FSCN2: variants seen among roughly 807,000 people sequenced by gnomAD.
FSCN2 encodes fascin actin-bundling protein 2, retinal.
FSCN2 carries 46 observed loss-of-function variants against 37.8 expected under a neutral mutation model. The ratio of observed to expected loss-of-function variants is 1.22; its 90% CI spans 0.96 to 1.56. The LOEUF (loss-of-function observed/expected upper bound fraction) is 1.56, where lower values mean the gene tolerates loss of function less well. FSCN2 is among the 40% of genes most tolerant of loss of function. The pLI, the probability that FSCN2 is intolerant of heterozygous loss-of-function variation, is 0.00. For synonymous variants in FSCN2, 351 were observed against 309.4 expected, an observed-to-expected ratio of 1.13 and a Z score of -1.41; for missense variants, 844 against 730.4, an observed-to-expected ratio of 1.16 and a Z score of -1.79.
upstream of FSCN2, among the ~76,000 whole-genome samples, chr17:81,523,391 T>TCGC (rs1568070767): frequency 6.6e-6 from 1 of 152,132 alleles, no homozygotes; most frequent in Non-Finnish European, 1.5e-5. Flanking sequence ...TGCGGCCCCC[T>TCGC]CGCCCGTGTA....
In FSCN2 at chr17:81,536,980, CCATCCGCGCCCGGA is replaced by C; in HGVS notation, c.1380_1393del (p.Ile461ArgfsTer39). On this transcript the variant is annotated frameshift_variant, in exon 5 of 5. Coordinates refer to ENST00000417245, the MANE Select transcript of FSCN2 (RefSeq NM_012418.4). LOFTEE classifies it low-confidence loss of function (END_TRUNC). Reference sequence around the variant, plus strand: ...GAGTTCCGTGAGCGCGGCCGCCTGGCCATCCGCGCCCGGAGCGGCAAGTACCTGCGCGGCGGCGC... The same window carrying C: ...GAGTTCCGTGAGCGCGGCCGCCTGGCGCGGCAAGTACCTGCGCGGCGGCGC... The C allele has an allele frequency of 6.5e-7, 1 of 1,534,836 alleles. No individual in the cohort carries two copies. Among genetic ancestry groups the C allele is most frequent in the Non-Finnish European group, 8.7e-7 (1 of 1,149,020 alleles).
At chr17:81,515,790 C>A in the FSCN2 span, among the ~76,000 whole-genome samples, 1 of 152,274 alleles carries the variant, frequency 6.6e-6, no homozygotes, top group Non-Finnish European at 1.5e-5. Flanking sequence ...TGGGTCCCCA[C>A]CCCTAGCCTT....
At chr17:81,525,425 C>CAAAA (rs1202765459), upstream of FSCN2, among the ~76,000 whole-genome samples, 3 of 47,856 alleles carry the variant, frequency 6.3e-5, no homozygotes, top group Non-Finnish European at 1.3e-4. Flanking sequence ...GACTCTGTCT[C>CAAAA]AAAAAAAAAA....
At chr17:81,536,395 G>A in intron 3 of FSCN2, 128 bp downstream of exon 3, 1 of 1,441,304 alleles carries the variant, frequency 6.9e-7, no homozygotes, top group Non-Finnish European at 9.3e-7. Flanking sequence ...CTGTCATGGA[G>A]TCATACTTGC....
the FSCN2 span, among the ~76,000 whole-genome samples, chr17:81,521,648 A>T: frequency 6.6e-6 from 1 of 152,230 alleles, no homozygotes; most frequent in African/African-American, 2.4e-5. Flanking sequence ...CTGGGATTAC[A>T]AATGTGAGCC....
chr17:81,532,500 G>A lies in FSCN2; in HGVS notation c.827-2552G>A, dbSNP rs796843056. Among the ~76,000 whole-genome samples the A allele has an allele frequency of 3.2e-4, 42 of 131,938 alleles. 1 individual carries two copies. The highest frequency in any genetic ancestry group is 1.7e-3 in the South Asian group (7 of 4,008). 86.6% of individuals were successfully genotyped at this position (131,938 alleles called of 152,430 possible). On this transcript the variant is annotated intron_variant, in intron 1 of 4. Coordinates refer to ENST00000417245, the MANE Select transcript of FSCN2 (RefSeq NM_012418.4). The stretch of plus-strand genomic sequence containing the variant: ...GGTGATGATAGTGATGGTGATGATG[G>A]TGATGATAATGGTGACGATGGTGAT...
intron 1 of FSCN2, chr17:81,530,057 A>T (rs569627976): frequency 4.1e-6 from 1 of 244,582 alleles, no homozygotes; most frequent in Non-Finnish European, 8.2e-6. Flanking sequence ...TGATCTGTCC[A>T]CCTCGGCCTC....
At position 81,528,916 on chromosome 17, in the gene FSCN2, G is replaced by T; in HGVS notation, c.385G>T (p.Glu129Ter). The change falls in exon 1 of 5, where the codon GAG becomes TAG. Residue 129 changes from glutamate to a stop codon, truncating the protein, a stop_gained. Transcript: ENST00000417245. LOFTEE classifies it high-confidence loss of function. ...CTTCGCCACAGCCGTTTCCCCGGCC[G>T]AGCTGTGGACCGTGCACCTGGCCAT... ...SCFATAVSPA[E>*]LWTVHLAIHP... The T allele has an allele frequency of 6.3e-7, 1 of 1,590,282 alleles. No homozygotes were observed.
In FSCN2 at chr17:81,536,550, G is replaced by A. The variant is rs561020906; in HGVS notation, c.1106-72G>A. 5.7e-5 allele frequency: 91 copies of A among 1,583,160 alleles called. 1 individual carries two copies. In the East Asian group the frequency reaches 2.0e-3, roughly 34 times the overall value. ...TAAGTCCAGGTGTGGCGTTTCCCAG[G>A]GCCCCCACCCCGCCCGGCCTGGACA... On this transcript the variant is annotated intron_variant, in intron 3 of 4. Coordinates refer to ENST00000417245, the MANE Select transcript of FSCN2 (RefSeq NM_012418.4).
chr17:81,533,157 G>GC (rs1469864692), intron 1 of FSCN2, among the ~76,000 whole-genome samples: 1 of 152,158 alleles, frequency 6.6e-6, no homozygotes, highest in Admixed American at 6.5e-5. Flanking sequence ...CTTCATCGAG[G>GC]CATCTCCCTG....
upstream of FSCN2, among the ~76,000 whole-genome samples, chr17:81,526,502 G>GCA (rs1555670125): frequency 6.6e-5 from 10 of 152,228 alleles, no homozygotes; most frequent in East Asian, 1.5e-3. Context: ...ACGGTAGCAA[G>GCA]TGCCTGTAAT....
the FSCN2 span, among the ~76,000 whole-genome samples, chr17:81,519,680 T>G: frequency 1.3e-5 from 2 of 152,146 alleles, no homozygotes; most frequent in African/African-American, 4.8e-5. Flanking sequence ...GAGGCAGGGC[T>G]GCCTGGGGAG....
rs2032905318 is a variant in FSCN2, at chr17:81,536,944, ACTTCGT to A, written c.1349_1354del (p.Val450_Phe451del). 6.4e-7 allele frequency: 1 copy of A among 1,569,564 alleles called. No homozygotes were observed. ...TGCAGCGACGGCGAACGCGCCGAGG[ACTTCGT>A]CTTCGAGTTCCGTGAGCGCGGCCGC... On this transcript the variant is annotated inframe_deletion, in exon 5 of 5. Coordinates refer to ENST00000417245, the MANE Select transcript of FSCN2 (RefSeq NM_012418.4).
the FSCN2 span, among the ~76,000 whole-genome samples, chr17:81,523,156 C>CGAG: frequency 6.6e-6 from 1 of 152,180 alleles, no homozygotes; most frequent in Non-Finnish European, 1.5e-5. Context: ...AGTTCCAAGG[C>CGAG]GAGGCTCCGG....
the FSCN2 span, among the ~76,000 whole-genome samples, chr17:81,519,332 C>T: frequency 6.6e-6 from 1 of 152,164 alleles, no homozygotes; most frequent in Non-Finnish European, 1.5e-5. Context: ...CGGGACGCGG[C>T]ACCGGGGCTT....
Position 81,528,665 on chromosome 17 carries a change from C to T in FSCN2, c.134C>T (p.Thr45Ile), listed in dbSNP as rs1167400705. Residue 45 changes from threonine to isoleucine, a missense_variant, in exon 1 of 5, where the codon ACC becomes ATC. By Grantham distance (89) the Thr-to-Ile change is moderately conservative (BLOSUM62 -1). Transcript: ENST00000417245. ...ASAPSLKRKQ[T>I]WVLEPDPGQG... ...GCACCCAGCCTCAAGAGGAAGCAGACCTGGGTGCTGGAACCCGACCCAGGA... is the reference window on the plus strand; with the variant it reads ...GCACCCAGCCTCAAGAGGAAGCAGATCTGGGTGCTGGAACCCGACCCAGGA... The T allele has an allele frequency of 1.2e-6, 2 of 1,602,268 alleles. No individual in the cohort carries two copies. The highest frequency in any genetic ancestry group is 2.3e-5 in the East Asian group (1 of 44,298).
chr17:81,533,866 C>CG (rs1267936528), intron 1 of FSCN2, among the ~76,000 whole-genome samples: 4 of 152,110 alleles, frequency 2.6e-5, no homozygotes, highest in African/African-American at 9.7e-5. Context: ...GGTGCAGTGG[C>CG]GGGGGGAGCC....
the FSCN2 span, among the ~76,000 whole-genome samples, chr17:81,523,257 GC>G: frequency 1.3e-5 from 2 of 152,190 alleles, no homozygotes; most frequent in African/African-American, 4.8e-5. Flanking sequence ...CAGGCAGGCA[GC>G]CACGCTGGAG....
chr17:81,517,517 G>A, the FSCN2 span, among the ~76,000 whole-genome samples: 1 of 152,134 alleles, frequency 6.6e-6, no homozygotes, highest in East Asian at 1.9e-4. Flanking sequence ...CTCAGTTTTC[G>A]GTGATGAGTA....
Sources: allele counts gnomAD v4.1 joint callset (sites outside exome capture counted in the v4.1 genomes callset), GRCh38; gene constraint gnomAD v4.1.1; transcripts MANE v1.5; gene names NCBI Gene and HGNC (gene_info 2026-07-23, HGNC 2026-07-21).